The following CFAP43 variants were observed in gnomAD, a reference collection of about 807,000 sequenced individuals.
CFAP43 encodes cilia and flagella associated protein 43.
In CFAP43, 155 loss-of-function variants were observed where a neutral mutation model predicts 218.9. The ratio of observed to expected loss-of-function variants is 0.71; its 90% confidence interval spans 0.62 to 0.81. The LOEUF is 0.81. CFAP43 is among the 30% of genes least tolerant of loss of function. CFAP43 has a pLI of 0.00. For synonymous variants in CFAP43, 645 were observed against 681.3 expected (o/e 0.95, Z 0.83); for missense variants, 1,778 against 1,954.3 (o/e 0.91, Z 1.70).
At position 104,161,092 on chromosome 10, in the gene CFAP43, T is replaced by C. The variant is rs995465156; in HGVS notation, c.3485A>G (p.Lys1162Arg). ...VWTEEERKQF[K>R]DYEKKVKELN... is the part of the protein sequence containing the mutation. ...CTCCTTTACTTTTTTCTCATAATCTTTGAATTGTTTTCTTTCTTCTTCAGT... is the reference window on the plus strand; with the variant it reads ...CTCCTTTACTTTTTTCTCATAATCTCTGAATTGTTTTCTTTCTTCTTCAGT... Residue 1162 changes from lysine (K) to arginine (R), a missense_variant, in exon 27 of 38, where the codon AAA becomes AGA. Around this residue, in one of 3 missense-constraint regions of CFAP43, gnomAD observed 1,553 missense variants for 1,685.2 expected, o/e 0.92. Coordinates refer to ENST00000357060, the MANE Select transcript of CFAP43 (RefSeq NM_025145.7). 1.1e-5 allele frequency: 18 copies of C among 1,613,378 alleles called. No homozygotes were observed. In the Admixed American group the frequency reaches 2.7e-4, roughly 24 times the overall value.
At chr10:104,213,727 G>A (rs1007655516) in intron 4 of CFAP43, among the ~76,000 whole-genome samples, 6 of 152,068 alleles carry the variant, frequency 3.9e-5, no homozygotes, top group African/African-American at 1.2e-4. Flanking sequence ...AGTAGAGACG[G>A]GGTTTCGCCG....
At chr10:104,218,020 C>A (rs1338444872) in intron 3 of CFAP43, among the ~76,000 whole-genome samples, 1 of 152,202 alleles carries the variant, frequency 6.6e-6, no homozygotes, top group African/African-American at 2.4e-5. Context: ...GCCGTAAATA[C>A]ATATGGCAAC....
At chr10:104,149,565 C>G (rs1324370675) in intron 28 of CFAP43, among the ~76,000 whole-genome samples, 1 of 152,154 alleles carries the variant, frequency 6.6e-6, no homozygotes, top group African/African-American at 2.4e-5. Context: ...TTTAAAATAT[C>G]ATAAATTCAT....
At chr10:104,225,347 CT>C in intron 3 of CFAP43, 113 bp downstream of exon 3, 1 of 886,972 alleles carries the variant, frequency 1.1e-6, no homozygotes, top group East Asian at 2.9e-5. Flanking sequence ...GCATTTTTTC[CT>C]TCTATATTTC....
At chr10:104,199,923 A>T (rs573844648) in intron 8 of CFAP43, among the ~76,000 whole-genome samples, 1 of 132,254 alleles carries the variant, frequency 7.6e-6, no homozygotes, top group East Asian at 2.2e-4. Flanking sequence ...AACAGGACCC[A>T]CTTAGAATTA....
chr10:104,172,781 A>G (rs1264040091), intron 19 of CFAP43, among the ~76,000 whole-genome samples: 2 of 152,198 alleles, frequency 1.3e-5, no homozygotes, highest in African/African-American at 2.4e-5. Flanking sequence ...ATTTCATTCA[A>G]TGATATTAAA....
intron 29 of CFAP43, 96 bp from the exon 30 acceptor site, chr10:104,146,445 A>G: frequency 1.1e-6 from 1 of 877,192 alleles, no homozygotes; most frequent in Non-Finnish European, 1.9e-6. Flanking sequence ...ATTTCCTAGT[A>G]CAAGAGAAAT....
At chr10:104,175,337 A>G (rs938990310) in intron 19 of CFAP43, among the ~76,000 whole-genome samples, 1 of 152,078 alleles carries the variant, frequency 6.6e-6, no homozygotes, top group African/African-American at 2.4e-5. Flanking sequence ...AGGTGAGAGG[A>G]ATGCTTGAGC....
chr10:104,144,489 A>G (rs1454464164), intron 31 of CFAP43, among the ~76,000 whole-genome samples: 1 of 152,186 alleles, frequency 6.6e-6, no homozygotes, highest in East Asian at 1.9e-4. Context: ...TCTCTACTAA[A>G]AATACAAAAA....
intron 24 of CFAP43, among the ~76,000 whole-genome samples, chr10:104,162,815 G>A (rs1801066899): frequency 6.6e-6 from 1 of 151,972 alleles, no homozygotes; most frequent in South Asian, 2.1e-4. Flanking sequence ...GGCAAGAAAG[G>A]GGGTGGGGTG....
chr10:104,136,662 C>T (rs1010541041), intron 34 of CFAP43, among the ~76,000 whole-genome samples: 6 of 152,106 alleles, frequency 3.9e-5, no homozygotes, highest in African/African-American at 9.7e-5. Context: ...CCACCGCACA[C>T]GGCCTGATTC....
intron 27 of CFAP43, among the ~76,000 whole-genome samples, chr10:104,154,656 C>A (rs143077659): frequency 1.3e-5 from 2 of 152,296 alleles, no homozygotes; most frequent in Non-Finnish European, 2.9e-5. Flanking sequence ...GTCTTAGATC[C>A]ACCCTTCTTT....
intron 13 of CFAP43, 42 bp from the exon 14 acceptor site, chr10:104,187,534 A>T (rs773986173): frequency 4.1e-6 from 6 of 1,448,152 alleles, no homozygotes; most frequent in Non-Finnish European, 5.5e-6. Flanking sequence ...TTGTACCATA[A>T]ATTAATTTTG....
At chr10:104,209,781 G>T (rs2090797929) in intron 5 of CFAP43, among the ~76,000 whole-genome samples, 1 of 152,036 alleles carries the variant, frequency 6.6e-6, no homozygotes, top group African/African-American at 2.4e-5. Flanking sequence ...TTCTTCCTTT[G>T]CTGCCCCACT....
chr10:104,231,306 AG>A (rs1224940511), intron 1 of CFAP43, among the ~76,000 whole-genome samples: 1 of 152,236 alleles, frequency 6.6e-6, no homozygotes, highest in Non-Finnish European at 1.5e-5. Flanking sequence ...TTAGCAGAGT[AG>A]GAAAATTGCT....
At position 104,155,883 on chromosome 10, in the gene CFAP43, C is replaced by G. The variant is rs569034883; in HGVS notation, c.3541-3157G>C. 1.1e-4 allele frequency among the ~76,000 whole-genome samples: 16 copies of G among 149,776 alleles called. No individual in the cohort carries two copies. The South Asian group carries it at 3.4e-3, about 32-fold the overall frequency. On this transcript the variant is annotated intron_variant, in intron 27 of 37. Transcript: ENST00000357060. ...GAACAGTTAATGAGGGAAAGAATGA[C>G]AGGAGATGAAATGAGATGGGATATA...
chr10:104,162,248 A>C (rs1037564769), intron 25 of CFAP43, 69 bp downstream of exon 25: 1 of 1,493,278 alleles, frequency 6.7e-7, no homozygotes, highest in Admixed American at 1.7e-5. Flanking sequence ...GGGTTATTAA[A>C]CCAAACTAGG....
Position 104,185,294 on chromosome 10 carries a change from A to G in CFAP43, c.2011-148T>C, listed in dbSNP as rs1395653180. ...ATTGGTATGGAAGTAGGCAATTGGC[A>G]ATACATAGTATTTAAAATCCCCAGT... On this transcript the variant is annotated intron_variant, in intron 15 of 37. Transcript: ENST00000357060. The G allele has an allele frequency of 4.1e-6, 4 of 986,012 alleles. No individual in the cohort carries two copies. In the African/African-American group the frequency reaches 6.6e-5, roughly 16 times the overall value. The allele number at this position is 986,012 out of a possible 1,614,324, so 61.1% of individuals were successfully genotyped here.
rs191574036 is a variant in CFAP43, at chr10:104,220,440, T to G, written c.416+5021A>C. On this transcript the variant is annotated intron_variant, in intron 3 of 37. Transcript: ENST00000357060. Reference sequence around the variant, plus strand: ...ACCATTCCCCTCCACCAACAGACTATGTGAGATGCCCCTACTACAGGTTCC... The same window carrying G: ...ACCATTCCCCTCCACCAACAGACTAGGTGAGATGCCCCTACTACAGGTTCC... Among the ~76,000 whole-genome samples, 21 of 152,280 alleles carry G rather than the reference T, an allele frequency of 1.4e-4. No individual in the cohort carries two copies. The East Asian group carries it at 4.1e-3, about 29-fold the overall frequency.
Sources: gnomAD v4.1 joint callset for allele counts (sites outside exome capture counted in the v4.1 genomes callset) on GRCh38, gnomAD v4.1.1 for gene constraint, gnomAD v4.1.1 regional missense constraint, MANE v1.5 for transcripts, NCBI Gene and HGNC (gene_info 2026-07-23, HGNC 2026-07-21) for gene names.